The following NCEH1 variants were observed in gnomAD, a reference collection of about 807,000 sequenced individuals.
The protein encoded by NCEH1 is 2-acetyl MAGE hydrolase.
In NCEH1, 9 loss-of-function variants were observed where a neutral mutation model predicts 25.4. The ratio of observed to expected loss-of-function variants is 0.35; its 90% CI spans 0.21 to 0.62. NCEH1 has a LOEUF of 0.62. NCEH1 is among the 20% of genes least tolerant of loss of function. NCEH1 has a pLI of 0.72. For missense variants in NCEH1, 412 were observed against 501.1 expected (o/e 0.82, Z 1.70); for synonymous variants, 200 against 199.8 (o/e 1.00, Z -0.01).
chr3:172,689,989 C>T (rs186931693), intron 1 of NCEH1, among the ~76,000 whole-genome samples: 1,549 of 150,682 alleles, frequency 0.01, 25 homozygotes, highest in African/African-American at 0.036. Flanking sequence ...CTGCAAACTC[C>T]GCCTCCCGGG....
intron 1 of NCEH1, among the ~76,000 whole-genome samples, chr3:172,698,914 C>T (rs1713531791): frequency 6.6e-6 from 1 of 152,166 alleles, no homozygotes; most frequent in African/African-American, 2.4e-5. Context: ...ACCATGAATT[C>T]CTAATTTCTC....
intron 1 of NCEH1, among the ~76,000 whole-genome samples, chr3:172,693,191 A>G (rs559385811): frequency 6.6e-6 from 1 of 152,372 alleles, no homozygotes; most frequent in East Asian, 1.9e-4. Flanking sequence ...TGGGTAGCCA[A>G]TAAATGTCTG....
At chr3:172,671,957 A>C (rs1037339835) in intron 1 of NCEH1, among the ~76,000 whole-genome samples, 1 of 152,234 alleles carries the variant, frequency 6.6e-6, no homozygotes, top group Non-Finnish European at 1.5e-5. Flanking sequence ...CTAAGTGTAC[A>C]GTATTTATAA....
At chr3:172,666,140 G>A (rs976334754) in intron 1 of NCEH1, among the ~76,000 whole-genome samples, 2 of 152,194 alleles carry the variant, frequency 1.3e-5, no homozygotes, top group African/African-American at 4.8e-5. Context: ...ACAGAAAAAC[G>A]ACTTGAAGGG....
intron 3 of NCEH1, 116 bp from the exon 4 acceptor site, chr3:172,636,203 G>T: frequency 1.8e-6 from 1 of 564,348 alleles, no homozygotes; most frequent in Non-Finnish European, 3.1e-6. Flanking sequence ...TTAATTCAAT[G>T]GAATTATTGT....
chr3:172,697,886 T>C (rs1243950604), intron 1 of NCEH1, among the ~76,000 whole-genome samples: 1 of 152,246 alleles, frequency 6.6e-6, no homozygotes, highest in Non-Finnish European at 1.5e-5. Flanking sequence ...TGGTTGTGTT[T>C]GTAATTCTGC....
At chr3:172,655,265 C>G (rs1219123986) in intron 1 of NCEH1, among the ~76,000 whole-genome samples, 1 of 152,146 alleles carries the variant, frequency 6.6e-6, no homozygotes. Context: ...AAACTTGCCT[C>G]CATAACCATT....
At chr3:172,701,256 C>T (rs549138799) in intron 1 of NCEH1, among the ~76,000 whole-genome samples, 1 of 152,178 alleles carries the variant, frequency 6.6e-6, no homozygotes, top group South Asian at 2.1e-4. Context: ...GCTCTTGCTC[C>T]CAAATCAGGG....
intron 1 of NCEH1, among the ~76,000 whole-genome samples, chr3:172,675,960 C>T (rs529239110): frequency 7.9e-4 from 120 of 152,222 alleles, no homozygotes; most frequent in Non-Finnish European, 8.8e-4. Context: ...CAATTAAACT[C>T]CAAATGGTAC....
chr3:172,666,179 G>A (rs936807856), intron 1 of NCEH1, among the ~76,000 whole-genome samples: 2 of 152,188 alleles, frequency 1.3e-5, no homozygotes, highest in Non-Finnish European at 2.9e-5. Context: ...ATATGCAAAT[G>A]CTGGCTATTA....
chr3:172,655,889 C>T (rs1318137658), intron 1 of NCEH1, among the ~76,000 whole-genome samples: 1 of 151,886 alleles, frequency 6.6e-6, no homozygotes, highest in African/African-American at 2.4e-5. Context: ...CAGGAAAAAC[C>T]AATCAATAAA....
At chr3:172,679,947 G>C (rs528450518) in intron 1 of NCEH1, among the ~76,000 whole-genome samples, 76 of 152,052 alleles carry the variant, frequency 5.0e-4, no homozygotes, top group Non-Finnish European at 9.1e-4. Flanking sequence ...CCAATCTCCT[G>C]GGTTTTAAGA....
intron 3 of NCEH1, among the ~76,000 whole-genome samples, chr3:172,643,332 C>A (rs1716953291): frequency 6.6e-6 from 1 of 152,122 alleles, no homozygotes; most frequent in Admixed American, 6.5e-5. Flanking sequence ...CTCAGCCTCT[C>A]AAGTAAGGCA....
chr3:172,688,101 G>A (rs1036877219), intron 1 of NCEH1, among the ~76,000 whole-genome samples: 7 of 152,060 alleles, frequency 4.6e-5, no homozygotes, highest in Non-Finnish European at 2.9e-5. Flanking sequence ...TTGGGAGGCT[G>A]AGGCAGGTGG....
At chr3:172,637,116 T>C (rs919295392) in intron 3 of NCEH1, among the ~76,000 whole-genome samples, 1 of 152,162 alleles carries the variant, frequency 6.6e-6, no homozygotes, top group Non-Finnish European at 1.5e-5. Context: ...AAAGATTGTG[T>C]TCTCTGATAT....
At chr3:172,689,703 G>A (rs2108527412) in intron 1 of NCEH1, among the ~76,000 whole-genome samples, 1 of 148,792 alleles carries the variant, frequency 6.7e-6, no homozygotes, top group Admixed American at 6.7e-5. Flanking sequence ...CAGCCTGGGT[G>A]ACAGAGCCAA....
At position 172,653,743 on chromosome 3, in the gene NCEH1, TG is replaced by T. The variant is rs1424343955; in HGVS notation, c.139-5630del. 8.2e-4 allele frequency among the ~76,000 whole-genome samples: 91 copies of T among 110,564 alleles called. 3 individuals are homozygous for T. The highest frequency in any genetic ancestry group is 3.4e-3 in the African/African-American group (83 of 24,258). 72.5% of individuals were successfully genotyped at this position (110,564 alleles called of 152,430 possible). On this transcript the variant is annotated intron_variant, in intron 1 of 4. Coordinates refer to ENST00000475381, the MANE Select transcript of NCEH1 (RefSeq NM_020792.6). ...GTTGTTGTTGTTGTTCTGTTTTTTT[TG>T]TTTTTTTGTTTTTTTGTTTTTTTTT...
At chr3:172,672,321 C>T (rs914411761) in intron 1 of NCEH1, among the ~76,000 whole-genome samples, 11 of 152,170 alleles carry the variant, frequency 7.2e-5, no homozygotes, top group African/African-American at 2.4e-4. Context: ...CTGCCTTAGC[C>T]TCCCAAAGTG....
chr3:172,687,565 G>C (rs2108525569), intron 1 of NCEH1, among the ~76,000 whole-genome samples: 1 of 152,300 alleles, frequency 6.6e-6, no homozygotes, highest in Middle Eastern at 3.4e-3. Flanking sequence ...TCAAGGACCA[G>C]GGCAACTAAT....
Sources: gnomAD v4.1 joint callset for allele counts (sites outside exome capture counted in the v4.1 genomes callset) on GRCh38, gnomAD v4.1.1 for gene constraint, MANE v1.5 for transcripts, NCBI Gene and HGNC (gene_info 2026-07-23, HGNC 2026-07-21) for gene names.